ATR: variants seen among roughly 807,000 people sequenced by gnomAD.
The protein encoded by ATR is ATR checkpoint kinase, also known as serine/threonine-protein kinase ATR.
ATR carries 142 observed loss-of-function variants against 305.3 expected under a neutral mutation model. The observed-to-expected ratio is 0.47, with a 90% CI of 0.41 to 0.53. The LOEUF is 0.53. Among genes scored for constraint, ATR ranks in the 20% least tolerant of loss-of-function variants. The pLI is 0.00. For missense variants in ATR, 2,135 were observed against 3,133.1 expected, an observed-to-expected ratio of 0.68 and a Z score of 7.60; for synonymous variants, 1,050 against 1,068.1, an observed-to-expected ratio of 0.98 and a Z score of 0.33.
chr3:142,450,332 G>T, intron 46 of ATR: 1 of 1,224,578 alleles, frequency 8.2e-7, no homozygotes, highest in Non-Finnish European at 1.2e-6. Flanking sequence ...CCATGTGCGT[G>T]AACCAAACCC....
At chr3:142,505,380 T>C in intron 28 of ATR, 77 bp from the exon 29 acceptor site, 1 of 1,561,804 alleles carries the variant, frequency 6.4e-7, no homozygotes, top group Admixed American at 1.7e-5. Flanking sequence ...ACCACCTGTT[T>C]ATATTGAAAC....
chr3:142,482,779 T>G (rs1424552044), intron 36 of ATR, among the ~76,000 whole-genome samples: 1 of 151,600 alleles, frequency 6.6e-6, no homozygotes, highest in Admixed American at 6.6e-5. Flanking sequence ...AGGTCATAGT[T>G]AGCTATGATT....
At chr3:142,578,025 GTCTA>G (rs2035496364) in intron 1 of ATR, among the ~76,000 whole-genome samples, 1 of 152,160 alleles carries the variant, frequency 6.6e-6, no homozygotes, top group Non-Finnish European at 1.5e-5. Context: ...GGACCCAGGG[GTCTA>G]TCTCTCCAAT....
chr3:142,539,473 T>G (rs2033974606), intron 18 of ATR, among the ~76,000 whole-genome samples: 1 of 152,130 alleles, frequency 6.6e-6, no homozygotes, highest in Non-Finnish European at 1.5e-5. Context: ...GTGACTTTAA[T>G]GGATAAAAAA....
rs1351601143 is a variant in ATR, at chr3:142,549,564, A to AAAAT, written c.3082_3085dup (p.Leu1029TyrfsTer21). The AAAAT allele has an allele frequency of 6.2e-7, 1 of 1,612,038 alleles. No homozygotes were observed. The highest frequency in any genetic ancestry group is 1.1e-5 in the South Asian group (1 of 90,646). Reference sequence around the variant, plus strand: ...AAAAATATATTTGAAGTTGTTTATTAAAATCTCTCTACGATTGACATTTAA... The same window carrying AAAAT: ...AAAAATATATTTGAAGTTGTTTATTAAAATAAATCTCTCTACGATTGACATTTAA... On this transcript the variant is annotated frameshift_variant, in exon 15 of 47. Transcript: ENST00000350721. LOFTEE classifies it high-confidence loss of function.
At chr3:142,499,763 G>A in intron 30 of ATR, 45 bp from the exon 31 acceptor site, 2 of 1,517,804 alleles carry the variant, frequency 1.3e-6, no homozygotes, top group Non-Finnish European at 1.8e-6. Flanking sequence ...TTTATTTAAG[G>A]TGACATTCAG....
At chr3:142,497,938 G>A (rs2031741677) in intron 32 of ATR, among the ~76,000 whole-genome samples, 1 of 152,092 alleles carries the variant, frequency 6.6e-6, no homozygotes, top group Admixed American at 6.6e-5. Flanking sequence ...ATGATTCAGT[G>A]TTCAAGGTAC....
chr3:142,472,841 T>C (rs1394397451), intron 36 of ATR, among the ~76,000 whole-genome samples: 5 of 152,086 alleles, frequency 3.3e-5, no homozygotes, highest in Non-Finnish European at 5.9e-5. Context: ...GGTTTCACCA[T>C]GTTGCCCAGG....
At chr3:142,472,241 T>C (rs1385398757) in intron 36 of ATR, 1 of 152,184 alleles carries the variant, frequency 6.6e-6, no homozygotes, top group Non-Finnish European at 1.5e-5. Context: ...GGAGTGCAGA[T>C]ATCTCTTCAA....
intron 28 of ATR, among the ~76,000 whole-genome samples, chr3:142,506,081 A>G (rs1460170619): frequency 1.3e-5 from 2 of 152,228 alleles, no homozygotes; most frequent in African/African-American, 4.8e-5. Context: ...CTTAGCAAGA[A>G]TAGTGTCAAC....
intron 2 of ATR, 105 bp from the exon 3 acceptor site, chr3:142,566,366 C>T: frequency 2.3e-6 from 3 of 1,290,590 alleles, no homozygotes; most frequent in Non-Finnish European, 3.3e-6. Context: ...CTCCTGTAAC[C>T]CCTGTACTTT....
Position 142,550,233 on chromosome 3 carries a change from C to G in ATR, c.2875G>C (p.Val959Leu), listed in dbSNP as rs28910271. Residue 959 changes from valine (V) to leucine (L), a missense_variant, in exon 14 of 47, where the codon GTG (valine) becomes CTG (leucine). By Grantham distance (32) the Val-to-Leu change is conservative. Transcript: ENST00000350721. ...LPNTPCQNAD[V>L]RKQDVAHQRE... The stretch of plus-strand genomic sequence containing the variant: ...TGGTGAGCCACATCTTGTTTTCGCA[C>G]GTCAGCATTCTGGCATGGAGTATTC... 37 of 1,614,016 alleles carry G rather than the reference C, an allele frequency of 2.3e-5. No individual in the cohort carries two copies. The highest frequency in any genetic ancestry group is 3.0e-5 in the Non-Finnish European group (35 of 1,180,002).
chr3:142,570,031 T>C (rs2035212346), intron 1 of ATR, among the ~76,000 whole-genome samples: 1 of 152,234 alleles, frequency 6.6e-6, no homozygotes, highest in South Asian at 2.1e-4. Context: ...TGATTAGTAA[T>C]TGTGAGCATC....
chr3:142,554,074 T>C (rs922517088), intron 10 of ATR, 59 bp from the exon 11 acceptor site: 146 of 1,382,982 alleles, frequency 1.1e-4, no homozygotes, highest in Non-Finnish European at 1.4e-4. Context: ...GGTTGTACTG[T>C]AAAAATATTG....
In ATR at chr3:142,556,057, T is replaced by G; in HGVS notation, c.2161A>C (p.Met721Leu). 1 of 1,614,110 alleles carries G rather than the reference T, an allele frequency of 6.2e-7. No homozygotes were observed. Residue 721 changes from methionine (M) to leucine (L), a missense_variant, in exon 10 of 47, where the codon ATG becomes CTG. Around this residue, in one of 9 missense-constraint regions of ATR, gnomAD observed 744 missense variants for 873.2 expected, o/e 0.85. Transcript: ENST00000350721. The stretch of plus-strand genomic sequence containing the variant: ...GTTAAAGAACTTGTCAGATAAAACA[T>G]GCCGTGAAGAGTACAGACAAGTTGA... ...LGQLVCTLHG[M>L]FYLTSSLTEP...
At chr3:142,456,975 CAT>C (rs1010701926) in intron 45 of ATR, among the ~76,000 whole-genome samples, 9 of 152,262 alleles carry the variant, frequency 5.9e-5, no homozygotes, top group Admixed American at 5.9e-4. Flanking sequence ...GAACTGAAAA[CAT>C]ATGTCCACAT....
intron 44 of ATR, 112 bp downstream of exon 44, chr3:142,458,846 A>C (rs961297594): frequency 8.0e-7 from 1 of 1,254,768 alleles, no homozygotes. Context: ...TTCTCAGTAT[A>C]ACTCAACTGT....
Position 142,465,286 on chromosome 3 carries a change from T to C in ATR, c.6898-46A>G, listed in dbSNP as rs774094153. On this transcript the variant is annotated intron_variant, in intron 40 of 46. Transcript: ENST00000350721. The stretch of plus-strand genomic sequence containing the variant: ...TATGAATTAGGGCCAAAAATTTCTG[T>C]GTAAATGTCTATATATTATAAACCT... 3.2e-5 allele frequency: 48 copies of C among 1,507,678 alleles called. No homozygotes were observed. The South Asian group carries it at 4.6e-4, about 14-fold the overall frequency. 93.4% of individuals were successfully genotyped at this position (1,507,678 alleles called of 1,614,324 possible). A position where few individuals can be genotyped will look rare whatever the true frequency, so the allele number is the denominator to read the frequency against.
chr3:142,480,288 T>C (rs543803347), intron 36 of ATR, among the ~76,000 whole-genome samples: 4 of 152,356 alleles, frequency 2.6e-5, no homozygotes, highest in Non-Finnish European at 5.9e-5. Flanking sequence ...TTTCTGTTTG[T>C]TAGTTTTCCT....
Sources: allele counts gnomAD v4.1 joint callset (sites outside exome capture counted in the v4.1 genomes callset), GRCh38; gene constraint gnomAD v4.1.1; regional missense constraint gnomAD v4.1.1; transcripts MANE v1.5; gene names NCBI Gene and HGNC (gene_info 2026-07-23, HGNC 2026-07-21).